GPATCH8: variants seen among roughly 807,000 people sequenced by gnomAD.
The protein encoded by GPATCH8 is G-patch domain containing 8, also known as G patch domain-containing protein 8.
A neutral mutation model predicts 118.3 loss-of-function variants in GPATCH8; 18 were observed. The observed-to-expected ratio is 0.15, with a 90% CI of 0.11 to 0.23. GPATCH8 has a LOEUF of 0.23. GPATCH8 is among the 10% of genes least tolerant of loss of function. GPATCH8 has a pLI of 1.00. For synonymous variants in GPATCH8, 659 were observed against 684.7 expected (o/e 0.96, Z 0.59); for missense variants, 1,631 against 1,873.8 (o/e 0.87, Z 2.39).
Position 44,395,899 on chromosome 17 carries a change from T to C in GPATCH8, c.*1669A>G, listed in dbSNP as rs1266793070. On this transcript the variant is annotated 3_prime_UTR_variant, in exon 8 of 8. Transcript: ENST00000591680. The stretch of plus-strand genomic sequence containing the variant: ...AGCACCTTTGGGTCAGTGTGTTAAT[T>C]AGGGCTGAGAGCCTGGGTGAAAGGC... 1 of 454,146 alleles carries C rather than the reference T, an allele frequency of 2.2e-6. No individual in the cohort carries two copies. The highest frequency in any genetic ancestry group is 6.9e-5 in the East Asian group (1 of 14,398). The allele number at this position is 454,146 out of a possible 1,614,324, so 28.1% of individuals were successfully genotyped here. A position where few individuals can be genotyped will look rare whatever the true frequency, so the allele number is the denominator to read the frequency against.
chr17:44,458,453 T>A (rs1468552265), intron 3 of GPATCH8, among the ~76,000 whole-genome samples: 1 of 152,214 alleles, frequency 6.6e-6, no homozygotes, highest in Non-Finnish European at 1.5e-5. Context: ...GTTCTTTGCC[T>A]ATAATGAGAT....
At chr17:44,402,324 C>CAAAAAA (rs61316944) in intron 7 of GPATCH8, among the ~76,000 whole-genome samples, 1 of 41,904 alleles carries the variant, frequency 2.4e-5, no homozygotes, top group African/African-American at 8.9e-5. Context: ...GACTCTGTCT[C>CAAAAAA]AAAAAAAAAA....
intron 5 of GPATCH8, 59 bp downstream of exon 5, chr17:44,435,003 TGAG>T: frequency 1.2e-6 from 1 of 804,752 alleles, no homozygotes; most frequent in Non-Finnish European, 2.3e-6. Context: ...CAACAAAATT[TGAG>T]TTCTTTCTTA....
chr17:44,479,250 CT>C (rs755777071), intron 1 of GPATCH8, among the ~76,000 whole-genome samples: 4 of 152,214 alleles, frequency 2.6e-5, no homozygotes, highest in Non-Finnish European at 2.9e-5. Flanking sequence ...GCAAAATCAT[CT>C]TTTAATCTTA....
chr17:44,409,708 G>C (rs2049363146), intron 6 of GPATCH8, among the ~76,000 whole-genome samples: 2 of 152,040 alleles, frequency 1.3e-5, no homozygotes. Context: ...TAAAAAACAG[G>C]GCTATCTATC....
chr17:44,442,227 A>C (rs1372594206), intron 3 of GPATCH8, among the ~76,000 whole-genome samples: 4 of 148,612 alleles, frequency 2.7e-5, no homozygotes, highest in African/African-American at 9.8e-5. Context: ...AAAAAAAAAA[A>C]ACACCACAAC....
At chr17:44,465,327 G>A (rs922126639) in intron 2 of GPATCH8, 3 of 152,074 alleles carry the variant, frequency 2.0e-5, no homozygotes, top group African/African-American at 7.2e-5. Flanking sequence ...TGTAGGGGTA[G>A]AAACCAACAT....
chr17:44,474,055 C>G (rs190144146), intron 2 of GPATCH8, among the ~76,000 whole-genome samples: 1 of 152,156 alleles, frequency 6.6e-6, no homozygotes, highest in Admixed American at 6.5e-5. Context: ...CAAGTTTTAC[C>G]AATAACTCAC....
chr17:44,489,992 A>AGTATGAT (rs1969118898), intron 1 of GPATCH8, among the ~76,000 whole-genome samples: 1 of 152,132 alleles, frequency 6.6e-6, no homozygotes, highest in Non-Finnish European at 1.5e-5. Context: ...ATATCATACA[A>AGTATGAT]ACCACTTCGA....
chr17:44,494,085 T>C (rs1465970648), intron 1 of GPATCH8, among the ~76,000 whole-genome samples: 1 of 152,188 alleles, frequency 6.6e-6, no homozygotes, highest in Admixed American at 6.5e-5. Context: ...ACCCTTCTAT[T>C]AATATAAACC....
At chr17:44,408,637 A>G (rs1289618661) in intron 6 of GPATCH8, among the ~76,000 whole-genome samples, 1 of 152,144 alleles carries the variant, frequency 6.6e-6, no homozygotes, top group East Asian at 1.9e-4. Flanking sequence ...CATTTTATCA[A>G]AGTATGGAGT....
intron 3 of GPATCH8, among the ~76,000 whole-genome samples, chr17:44,458,661 A>T (rs1568019138): frequency 6.6e-6 from 1 of 152,132 alleles, no homozygotes; most frequent in Non-Finnish European, 1.5e-5. Flanking sequence ...AGCTAGGAAT[A>T]CAGATGCACG....
chr17:44,443,518 T>C (rs1409383667), intron 3 of GPATCH8, among the ~76,000 whole-genome samples: 1 of 152,180 alleles, frequency 6.6e-6, no homozygotes, highest in African/African-American at 2.4e-5. Flanking sequence ...GCACATTACT[T>C]AATCCCTAGA....
At chr17:44,487,797 T>A (rs1280498639) in intron 1 of GPATCH8, among the ~76,000 whole-genome samples, 1 of 152,162 alleles carries the variant, frequency 6.6e-6, no homozygotes, top group African/African-American at 2.4e-5. Context: ...TGGGGGTAGG[T>A]GGAAAATGTT....
At chr17:44,475,813 G>A (rs996271853) in intron 1 of GPATCH8, among the ~76,000 whole-genome samples, 1 of 152,080 alleles carries the variant, frequency 6.6e-6, no homozygotes, top group Non-Finnish European at 1.5e-5. Context: ...ATCACTTGAG[G>A]ACAAGAGTTT....
intron 3 of GPATCH8, among the ~76,000 whole-genome samples, chr17:44,462,572 A>C (rs998717134): frequency 1.3e-5 from 2 of 152,240 alleles, no homozygotes; most frequent in Non-Finnish European, 2.9e-5. Context: ...CCCCAGAAGA[A>C]TAGGTTAATG....
intron 2 of GPATCH8, among the ~76,000 whole-genome samples, chr17:44,467,600 C>G (rs975973853): frequency 1.3e-5 from 2 of 152,124 alleles, no homozygotes; most frequent in African/African-American, 4.8e-5. Flanking sequence ...CAGAATCTCT[C>G]CTCCCCTCAC....
chr17:44,441,194 C>G (rs187819450), intron 3 of GPATCH8, among the ~76,000 whole-genome samples: 47 of 152,208 alleles, frequency 3.1e-4, no homozygotes, highest in Non-Finnish European at 4.4e-4. Flanking sequence ...AATAGAACAA[C>G]TGGGAAGAAT....
intron 3 of GPATCH8, among the ~76,000 whole-genome samples, chr17:44,451,705 C>T (rs116176253): frequency 4.3e-4 from 65 of 152,222 alleles, no homozygotes; most frequent in African/African-American, 1.5e-3. Context: ...TCAACTTTAG[C>T]CTTAAGTTTC....
Sources: allele counts gnomAD v4.1 joint callset (sites outside exome capture counted in the v4.1 genomes callset), GRCh38; gene constraint gnomAD v4.1.1; transcripts MANE v1.5; gene names NCBI Gene and HGNC (gene_info 2026-07-23, HGNC 2026-07-21).